CDH13: variants seen among roughly 807,000 people sequenced by gnomAD.
The protein encoded by CDH13 is cadherin 13, also known as cadherin-13.
In CDH13, 24 loss-of-function variants were observed where a neutral mutation model predicts 63.8. That is an observed-to-expected ratio of 0.38 (90% CI 0.27 to 0.53). The LOEUF (loss-of-function observed/expected upper bound fraction) is 0.53. CDH13 is among the 20% of genes least tolerant of loss of function. CDH13 has a pLI of 0.85. For missense variants in CDH13, 1,049 were observed against 903.1 expected, an observed-to-expected ratio of 1.16 and a Z score of -2.07; for synonymous variants, 503 against 355.3, an observed-to-expected ratio of 1.42 and a Z score of -4.67.
intron 6 of CDH13, among the ~76,000 whole-genome samples, chr16:83,385,024 C>G (rs1216344508): frequency 1.3e-5 from 2 of 152,192 alleles, no homozygotes; most frequent in African/African-American, 4.8e-5. Flanking sequence ...AAACAGCAGC[C>G]AGCTCCCAGC....
At chr16:83,263,609 G>A (rs977637534) in intron 5 of CDH13, among the ~76,000 whole-genome samples, 14 of 152,158 alleles carry the variant, frequency 9.2e-5, no homozygotes, top group African/African-American at 3.1e-4. Flanking sequence ...TATGATCTTC[G>A]TGATGTGGTT....
chr16:82,793,711 C>T (rs1030664498), intron 1 of CDH13, among the ~76,000 whole-genome samples: 8 of 152,160 alleles, frequency 5.3e-5, no homozygotes, highest in African/African-American at 1.4e-4. Context: ...ATGTAGATGA[C>T]TGTGCTGCTC....
intron 6 of CDH13, among the ~76,000 whole-genome samples, chr16:83,363,789 C>T (rs778642187): frequency 9.2e-5 from 14 of 152,236 alleles, no homozygotes; most frequent in Middle Eastern, 3.4e-3. Context: ...TCATGGGATG[C>T]TGAGTGGGCG....
At chr16:83,051,633 C>G (rs971482038) in intron 3 of CDH13, among the ~76,000 whole-genome samples, 4 of 152,222 alleles carry the variant, frequency 2.6e-5, no homozygotes, top group African/African-American at 9.6e-5. Flanking sequence ...CATTAAGACA[C>G]TCCGGATTCT....
At chr16:83,076,648 C>T (rs995160791) in intron 3 of CDH13, among the ~76,000 whole-genome samples, 3 of 152,130 alleles carry the variant, frequency 2.0e-5, no homozygotes, top group Non-Finnish European at 4.4e-5. Flanking sequence ...CACACACACA[C>T]ACACAGTCCC....
At chr16:83,370,942 A>G (rs901608669) in intron 6 of CDH13, among the ~76,000 whole-genome samples, 2 of 152,228 alleles carry the variant, frequency 1.3e-5, no homozygotes, top group Non-Finnish European at 2.9e-5. Flanking sequence ...AATGCTCAAC[A>G]TCACTAATCA....
At chr16:82,711,880 G>A (rs1432027927) in intron 1 of CDH13, among the ~76,000 whole-genome samples, 1 of 152,174 alleles carries the variant, frequency 6.6e-6, no homozygotes, top group Non-Finnish European at 1.5e-5. Flanking sequence ...GCTCATATTA[G>A]TTCCATTTAA....
At chr16:82,700,199 G>A (rs10431973) in intron 1 of CDH13, among the ~76,000 whole-genome samples, 52,951 of 152,134 alleles carry the variant, frequency 0.35, 10,733 homozygotes, top group Non-Finnish European at 0.46. Context: ...GGACTTCTCA[G>A]AGGCTTTAAT....
chr16:83,755,856 G>T (rs893414623), intron 11 of CDH13, among the ~76,000 whole-genome samples: 1 of 151,310 alleles, frequency 6.6e-6, no homozygotes, highest in African/African-American at 2.4e-5. Flanking sequence ...AGAAACACAA[G>T]AAACATAAAT....
Position 83,670,913 on chromosome 16 carries a change from C to G in CDH13, c.1225C>G (p.Gln409Glu). ...CACCATCATCAACGGAAACCCCGGG[C>G]AGAGCTTTGAAATCCACACCAACCC... ...AYTIINGNPGQSFEIHTNPQT... is the reference protein window; with the variant it reads ...AYTIINGNPGESFEIHTNPQT... The change falls in exon 9 of 14, where the codon CAG (glutamine) becomes GAG (glutamate). Residue 409 changes from glutamine (Q) to glutamate (E), a missense_variant. By Grantham distance (29) the Gln-to-Glu change is conservative. Transcript: ENST00000567109. The G allele has an allele frequency of 6.2e-7, 1 of 1,612,704 alleles. No homozygotes were observed. The highest frequency in any genetic ancestry group is 8.5e-7 in the Non-Finnish European group (1 of 1,178,990).
chr16:83,709,907 T>C (rs1440795705), intron 10 of CDH13, among the ~76,000 whole-genome samples: 3 of 152,250 alleles, frequency 2.0e-5, no homozygotes, highest in Non-Finnish European at 2.9e-5. Flanking sequence ...ATTGGATTTG[T>C]AGAAAGAACA....
chr16:83,161,782 C>T (rs972042677), intron 4 of CDH13, among the ~76,000 whole-genome samples: 9 of 152,138 alleles, frequency 5.9e-5, no homozygotes, highest in African/African-American at 1.7e-4. Flanking sequence ...TTACATTAAT[C>T]AACAACAAAC....
At chr16:83,304,876 C>T (rs1164279450) in intron 5 of CDH13, among the ~76,000 whole-genome samples, 2 of 152,054 alleles carry the variant, frequency 1.3e-5, no homozygotes, top group Non-Finnish European at 2.9e-5. Context: ...GTCTCTCTCC[C>T]GTATGTGTGT....
At chr16:83,039,468 C>T (rs1917150948) in intron 3 of CDH13, among the ~76,000 whole-genome samples, 2 of 152,198 alleles carry the variant, frequency 1.3e-5, no homozygotes, top group African/African-American at 4.8e-5. Context: ...CTACTGGTCT[C>T]ACTCTTGGCA....
At chr16:82,928,194 G>A (rs1208074572) in intron 2 of CDH13, among the ~76,000 whole-genome samples, 4 of 148,340 alleles carry the variant, frequency 2.7e-5, no homozygotes, top group South Asian at 4.4e-4. Context: ...GTGTGTATGC[G>A]TGTGTAATCC....
chr16:83,114,408 G>C (rs948218867), intron 3 of CDH13, among the ~76,000 whole-genome samples: 1 of 152,104 alleles, frequency 6.6e-6, no homozygotes, highest in Non-Finnish European at 1.5e-5. Context: ...GGGGGTGCTT[G>C]ATAAGCACTG....
chr16:83,370,448 C>G (rs2091345198), intron 6 of CDH13, among the ~76,000 whole-genome samples: 1 of 149,480 alleles, frequency 6.7e-6, no homozygotes, highest in African/African-American at 2.5e-5. Context: ...CTTCCTTTAC[C>G]TGTACCTTTA....
chr16:83,503,615 C>G (rs957914526), intron 7 of CDH13, among the ~76,000 whole-genome samples: 1 of 152,094 alleles, frequency 6.6e-6, no homozygotes, highest in African/African-American at 2.4e-5. Context: ...CCACAAGCCA[C>G]TTTTGTGCAA....
At chr16:82,698,349 G>A (rs1174830655) in intron 1 of CDH13, among the ~76,000 whole-genome samples, 3 of 152,192 alleles carry the variant, frequency 2.0e-5, no homozygotes, top group Non-Finnish European at 4.4e-5. Context: ...TATCTCCTGG[G>A]TACTCTCTGT....
Sources: allele counts gnomAD v4.1 joint callset (sites outside exome capture counted in the v4.1 genomes callset), GRCh38; gene constraint gnomAD v4.1.1; transcripts MANE v1.5; gene names NCBI Gene and HGNC (gene_info 2026-07-23, HGNC 2026-07-21).